Variants in MAL2 observed in about 807,000 individuals in gnomAD.
MAL2 encodes the protein protein MAL2.
Under a neutral mutation model 18.1 loss-of-function variants are expected in MAL2, and 17 were observed. The observed-to-expected ratio is 0.94, with a 90% confidence interval of 0.64 to 1.41. The LOEUF (loss-of-function observed/expected upper bound fraction) is 1.41, where lower values mean the gene tolerates loss of function less well. Ranked by LOEUF, MAL2 falls within the 40% of genes most tolerant of loss-of-function variation. The probability of loss-of-function intolerance (pLI) is 0.00; values close to 1 mark genes in which losing one functional copy is unlikely to be tolerated. For missense variants in MAL2, 222 were observed against 231.9 expected, an observed-to-expected ratio of 0.96 and a Z score of 0.28; for synonymous variants, 102 against 102.3, an observed-to-expected ratio of 1.00 and a Z score of 0.02.
At chr8:119,219,388 A>G (rs1284697477) in intron 1 of MAL2, among the ~76,000 whole-genome samples, 2 of 152,186 alleles carry the variant, frequency 1.3e-5, no homozygotes, top group Non-Finnish European at 2.9e-5. Context: ...AGTAATTTGG[A>G]TATCTAGATA....
intron 2 of MAL2, among the ~76,000 whole-genome samples, chr8:119,226,037 T>C (rs1212704780): frequency 6.6e-6 from 1 of 152,214 alleles, no homozygotes; most frequent in Non-Finnish European, 1.5e-5. Flanking sequence ...GATGAGTAGA[T>C]TGCAAAAATT....
chr8:119,223,388 C>A (rs1050716248), intron 2 of MAL2: 1 of 152,300 alleles, frequency 6.6e-6, no homozygotes, highest in African/African-American at 2.4e-5. Context: ...GTTTCTTCCT[C>A]TGTAAAATGA....
In MAL2 at chr8:119,208,685, C is replaced by T. The variant is rs2129761124; in HGVS notation, c.132+81C>T. On this transcript the variant is annotated intron_variant, in intron 1 of 3. Coordinates refer to ENST00000614891, the MANE Select transcript of MAL2 (RefSeq NM_052886.3). This position sits in a 1 kb window ranked among gnomAD's most constrained non-coding sequence, Gnocchi z 4.3. ...TCCTTGTCCCCCGGGCTGTCTTCCT[C>T]TGCGTCCGCCCCCGGCCTCCTTCCC... 1 of 1,218,386 alleles carries T rather than the reference C, an allele frequency of 8.2e-7. No homozygotes were observed. Among genetic ancestry groups the T allele is most frequent in the Non-Finnish European group, 1.0e-6 (1 of 977,642 alleles). 75.5% of individuals were successfully genotyped at this position (1,218,386 alleles called of 1,614,324 possible). A position where few individuals can be genotyped will look rare whatever the true frequency, so the allele number is the denominator to read the frequency against.
intron 1 of MAL2, among the ~76,000 whole-genome samples, chr8:119,219,202 G>T (rs1326344989): frequency 1.3e-5 from 2 of 148,980 alleles, no homozygotes; most frequent in African/African-American, 5.2e-5. Flanking sequence ...GACTTTAGGA[G>T]TTGAGGTATA....
rs146383330 is a variant in MAL2 at position 119,217,008 on chromosome 8, C to T, written c.133-4579C>T. Reference sequence around the variant, plus strand: ...CTTTGGGAACATAAGACCGTCCAAACAGGAGATGAGTTAAGAATCTGTAAT... The same window carrying T: ...CTTTGGGAACATAAGACCGTCCAAATAGGAGATGAGTTAAGAATCTGTAAT... On this transcript the variant is annotated intron_variant, in intron 1 of 3. Transcript: ENST00000614891. Among the ~76,000 whole-genome samples, 431 of 152,308 alleles carry T rather than the reference C, an allele frequency of 2.8e-3. 1 individual carries two copies. Among genetic ancestry groups the T allele is most frequent in the African/African-American group, 9.8e-3 (406 of 41,572 alleles).
chr8:119,230,599 A>G lies in MAL2; in HGVS notation c.303+8842A>G, dbSNP rs1817699744. On this transcript the variant is annotated intron_variant, in intron 2 of 3. Transcript: ENST00000614891. ...GACATTGAAAAAGGTATGTAATGGT[A>G]GAGAAATTAAGGGATCAGATCACAC... Among the ~76,000 whole-genome samples, 4 of 152,314 alleles carry G rather than the reference A, an allele frequency of 2.6e-5. No individual in the cohort carries two copies. The South Asian group carries it at 8.3e-4, about 32-fold the overall frequency.
rs183964202 is a variant in MAL2 at position 119,219,571 on chromosome 8, G to C, written c.133-2016G>C. Among the ~76,000 whole-genome samples, 1,001 of 132,198 alleles carry C rather than the reference G, an allele frequency of 7.6e-3. 12 individuals are homozygous for C. Among genetic ancestry groups the C allele is most frequent in the African/African-American group, 0.024 (932 of 38,560 alleles). The allele number at this position is 132,198 out of a possible 152,430, so 86.7% of individuals were successfully genotyped here. On this transcript the variant is annotated intron_variant, in intron 1 of 3. Transcript: ENST00000614891. Reference sequence around the variant, plus strand: ...TGTGTGTGTGAGAGAGAGAGACAGAGAGAGAGAGAGAGAGATTGATTCTCA... The same window carrying C: ...TGTGTGTGTGAGAGAGAGAGACAGACAGAGAGAGAGAGAGATTGATTCTCA...
rs369877513 is a variant in MAL2 at position 119,221,643 on chromosome 8, A to G, written c.189A>G (p.Leu63=). 5.6e-6 allele frequency: 9 copies of G among 1,613,806 alleles called. No individual in the cohort carries two copies. The highest frequency in any genetic ancestry group is 1.7e-5 in the Admixed American group (1 of 60,002). ...CCTCCTCCAATGTTCCTCTACCTCTACTACAAGGATGGGTCATGTTTGTGT... is the reference window on the plus strand; with the variant it reads ...CCTCCTCCAATGTTCCTCTACCTCTGCTACAAGGATGGGTCATGTTTGTGT... ...LVASSNVPLP[L]LQGWVMFVSV... Residue 63 remains leucine (L), a synonymous_variant, in exon 2 of 4, where the codon CTA becomes CTG. Coordinates refer to ENST00000614891, the MANE Select transcript of MAL2 (RefSeq NM_052886.3).
intron 1 of MAL2, among the ~76,000 whole-genome samples, chr8:119,213,636 T>C (rs893176613): frequency 6.6e-6 from 1 of 152,090 alleles, no homozygotes; most frequent in Non-Finnish European, 1.5e-5. Context: ...CTGACCAACA[T>C]GGTGAAACCC....
At chr8:119,229,672 T>C (rs1160117641) in intron 2 of MAL2, among the ~76,000 whole-genome samples, 1 of 152,182 alleles carries the variant, frequency 6.6e-6, no homozygotes, top group African/African-American at 2.4e-5. Context: ...GCTCTACCCA[T>C]TGGGAAAATA....
intron 2 of MAL2, among the ~76,000 whole-genome samples, chr8:119,229,249 C>T (rs1408867614): frequency 6.6e-6 from 1 of 151,940 alleles, no homozygotes; most frequent in Admixed American, 6.6e-5. Flanking sequence ...TCCCATGGCC[C>T]TGACAAGTAC....
chr8:119,241,169 G>A (rs1818040256), intron 3 of MAL2, among the ~76,000 whole-genome samples: 1 of 152,112 alleles, frequency 6.6e-6, no homozygotes, highest in South Asian at 2.1e-4. Context: ...ATAATGACAG[G>A]AATATTTCAT....
chr8:119,227,767 GAAGA>G (rs1817625196), intron 2 of MAL2, among the ~76,000 whole-genome samples: 3 of 152,278 alleles, frequency 2.0e-5, no homozygotes, highest in Middle Eastern at 6.8e-3. Flanking sequence ...CTTTCTTCCT[GAAGA>G]AAGACTTAAA....
chr8:119,221,870 T>C, intron 2 of MAL2, 113 bp downstream of exon 2: 1 of 1,147,790 alleles, frequency 8.7e-7, no homozygotes, highest in Non-Finnish European at 1.2e-6. Flanking sequence ...AGAGAAGCGG[T>C]CCAACCACAG....
In MAL2 at chr8:119,234,972, G is replaced by A. The variant is rs549393252; in HGVS notation, c.304-5193G>A. ...AAGCTGGATGGAGAATGACTTTGAC[G>A]AGCTGAGAGAAGAAGGCTTCAGACG... On this transcript the variant is annotated intron_variant, in intron 2 of 3. Transcript: ENST00000614891. Among the ~76,000 whole-genome samples, 11 of 152,096 alleles carry A rather than the reference G, an allele frequency of 7.2e-5. No individual in the cohort carries two copies. The East Asian group carries it at 7.7e-4, about 11-fold the overall frequency.
intron 2 of MAL2, among the ~76,000 whole-genome samples, chr8:119,239,959 C>G (rs1818011524): frequency 6.6e-6 from 1 of 151,970 alleles, no homozygotes; most frequent in Non-Finnish European, 1.5e-5. Context: ...AAAGGTTTAC[C>G]AATGTGCCAA....
chr8:119,239,140 A>C (rs548692967), intron 2 of MAL2, among the ~76,000 whole-genome samples: 2 of 152,364 alleles, frequency 1.3e-5, no homozygotes, highest in Admixed American at 1.3e-4. Context: ...TTCTCAAAAG[A>C]AGACATTTAT....
At chr8:119,242,853 T>C (rs765134626) in intron 3 of MAL2, among the ~76,000 whole-genome samples, 2 of 152,234 alleles carry the variant, frequency 1.3e-5, no homozygotes, top group Non-Finnish European at 2.9e-5. Flanking sequence ...TATAGTGATA[T>C]ACACACAGTT....
rs1818093093 is a variant in MAL2 at position 119,243,554 on chromosome 8, G to T, written c.*66G>T. ...TCTACTTTATATGTCTGATCAATTT[G>T]GATACCATTTTGTCCAGATGCAAAA... On this transcript the variant is annotated 3_prime_UTR_variant, in exon 4 of 4. Transcript: ENST00000614891. The T allele has an allele frequency of 7.1e-7, 1 of 1,399,762 alleles. No individual in the cohort carries two copies. Among genetic ancestry groups the T allele is most frequent in the Non-Finnish European group, 9.6e-7 (1 of 1,036,654 alleles). The allele number at this position is 1,399,762 out of a possible 1,614,324, so 86.7% of individuals were successfully genotyped here.
Sources: gnomAD v4.1 joint callset for allele counts (sites outside exome capture counted in the v4.1 genomes callset) on GRCh38, gnomAD v4.1.1 for gene constraint, Gnocchi (gnomAD v3.1) non-coding constraint, MANE v1.5 for transcripts, NCBI Gene and HGNC (gene_info 2026-07-23, HGNC 2026-07-21) for gene names.